Variants in SNX29 observed in about 807,000 individuals in gnomAD.
SNX29 encodes sorting nexin-29.
In SNX29, 78 loss-of-function variants were observed where a neutral mutation model predicts 102.1. The observed-to-expected ratio is 0.76, with a 90% CI of 0.64 to 0.92. SNX29 has a LOEUF of 0.92. SNX29 is among the 40% of genes least tolerant of loss of function. The probability of loss-of-function intolerance (pLI) is 0.00; values close to 1 mark genes in which losing one functional copy is unlikely to be tolerated. For synonymous variants in SNX29, 580 were observed against 414.5 expected, an observed-to-expected ratio of 1.40 and a Z score of -4.85; for missense variants, 1,280 against 1,061.7, an observed-to-expected ratio of 1.21 and a Z score of -2.86.
intron 11 of SNX29, chr16:12,087,727 G>T (rs57767842): frequency 2.7e-5 from 11 of 407,378 alleles, no homozygotes; most frequent in African/African-American, 2.0e-4. Context: ...CCATTGTACA[G>T]ATGAGAAAGT....
chr16:12,128,209 C>G (rs924436029), intron 12 of SNX29, among the ~76,000 whole-genome samples: 1 of 152,226 alleles, frequency 6.6e-6, no homozygotes, highest in African/African-American at 2.4e-5. Flanking sequence ...TTTGTCCATG[C>G]TCCAGCTGGG....
rs1194157181 is a variant in SNX29, at chr16:12,022,364, C to G, written c.123-4956C>G. On this transcript the variant is annotated intron_variant, in intron 3 of 20. Coordinates refer to ENST00000566228, the MANE Select transcript of SNX29 (RefSeq NM_032167.5). ...TACAGGAGCCTGCCACCACACCCAG[C>G]TAATTTTTGTATTTTTAGTAGAAAT... Among the ~76,000 whole-genome samples the G allele has an allele frequency of 2.6e-5, 4 of 151,962 alleles. No individual in the cohort carries two copies. In the East Asian group the frequency reaches 7.7e-4, roughly 29 times the overall value.
At chr16:12,083,931 C>T (rs979487626) in intron 11 of SNX29, among the ~76,000 whole-genome samples, 3 of 152,140 alleles carry the variant, frequency 2.0e-5, no homozygotes, top group Admixed American at 2.0e-4. Context: ...TCAGTGCCTG[C>T]GGATAATTGT....
intron 19 of SNX29, among the ~76,000 whole-genome samples, chr16:12,513,615 G>A (rs1348513078): frequency 6.6e-6 from 1 of 152,180 alleles, no homozygotes. Context: ...CAGCCACGCC[G>A]TTGCCCCGCT....
At chr16:12,520,997 G>A (rs1476194010) in intron 19 of SNX29, among the ~76,000 whole-genome samples, 1 of 152,074 alleles carries the variant, frequency 6.6e-6, no homozygotes, top group Non-Finnish European at 1.5e-5. Flanking sequence ...TCAGGAGTTC[G>A]AGAACAGTCG....
At chr16:12,286,152 T>A (rs1051394325) in intron 15 of SNX29, among the ~76,000 whole-genome samples, 1 of 151,238 alleles carries the variant, frequency 6.6e-6, no homozygotes, top group Non-Finnish European at 1.5e-5. Flanking sequence ...CTGTTTGTTT[T>A]TTTTTTTAAT....
rs536937699 is a variant in SNX29, at chr16:12,572,057, A to G, written c.*3428A>G. Reference sequence around the variant, plus strand: ...ATCCAGTGGAGTTGTAAACAAGGGAACCATCTTGCAAGATCTAGGAAGAGG... The same window carrying G: ...ATCCAGTGGAGTTGTAAACAAGGGAGCCATCTTGCAAGATCTAGGAAGAGG... On this transcript the variant is annotated 3_prime_UTR_variant, in exon 21 of 21. Coordinates refer to ENST00000566228, the MANE Select transcript of SNX29 (RefSeq NM_032167.5). 27 of 1,062,880 alleles carry G rather than the reference A, an allele frequency of 2.5e-5. No homozygotes were observed. The South Asian group carries it at 1.0e-3, about 39-fold the overall frequency. The allele number at this position is 1,062,880 out of a possible 1,614,324, so 65.8% of individuals were successfully genotyped here.
intron 15 of SNX29, among the ~76,000 whole-genome samples, chr16:12,317,424 A>G (rs2080786002): frequency 6.6e-6 from 1 of 152,130 alleles, no homozygotes; most frequent in Non-Finnish European, 1.5e-5. Context: ...TTAATGACTC[A>G]TTGAGAGATG....
At chr16:12,135,954 C>G (rs1022811592) in intron 13 of SNX29, among the ~76,000 whole-genome samples, 2 of 152,168 alleles carry the variant, frequency 1.3e-5, no homozygotes, top group Non-Finnish European at 2.9e-5. Context: ...GCCCCTTGGA[C>G]TGCTTCTCAG....
intron 11 of SNX29, among the ~76,000 whole-genome samples, chr16:12,120,071 A>G (rs951620957): frequency 2.0e-5 from 3 of 152,188 alleles, no homozygotes; most frequent in Non-Finnish European, 4.4e-5. Flanking sequence ...GGAGAGAGAA[A>G]CAGAACGAAA....
At chr16:12,124,763 C>G (rs994604133) in intron 11 of SNX29, among the ~76,000 whole-genome samples, 1 of 152,144 alleles carries the variant, frequency 6.6e-6, no homozygotes, top group African/African-American at 2.4e-5. Context: ...AGATCAGTTT[C>G]CATTGGTTGA....
intron 16 of SNX29, among the ~76,000 whole-genome samples, chr16:12,361,292 C>G (rs1312016048): frequency 6.6e-6 from 1 of 152,188 alleles, no homozygotes; most frequent in Non-Finnish European, 1.5e-5. Context: ...CAGTCAGGAA[C>G]CAGGCAGTGG....
intron 15 of SNX29, among the ~76,000 whole-genome samples, chr16:12,318,867 A>G (rs769234017): frequency 6.6e-5 from 10 of 152,170 alleles, no homozygotes; most frequent in Non-Finnish European, 1.2e-4. Context: ...CTTCTAGTCT[A>G]TGACTAAGGT....
Position 12,568,804 on chromosome 16 carries a change from C to T in SNX29, c.*175C>T, listed in dbSNP as rs573556872. 4.1e-5 allele frequency: 42 copies of T among 1,032,272 alleles called. No individual in the cohort carries two copies. In the African/African-American group the frequency reaches 6.3e-4, roughly 15 times the overall value. 63.9% of individuals were successfully genotyped at this position (1,032,272 alleles called of 1,614,324 possible). A position where few individuals can be genotyped will look rare whatever the true frequency, so the allele number is the denominator to read the frequency against. On this transcript the variant is annotated 3_prime_UTR_variant, in exon 21 of 21. Coordinates refer to ENST00000566228, the MANE Select transcript of SNX29 (RefSeq NM_032167.5). Reference sequence around the variant, plus strand: ...ATTAAACTAATCAGTCTTCGAGCCGCATGATACCGTGACCCGAGAGACCAA... The same window carrying T: ...ATTAAACTAATCAGTCTTCGAGCCGTATGATACCGTGACCCGAGAGACCAA...
intron 17 of SNX29, 56 bp from the exon 18 acceptor site, chr16:12,403,391 TA>T (rs1567528209): frequency 1.3e-6 from 2 of 1,505,074 alleles, no homozygotes; most frequent in African/African-American, 2.8e-5. Context: ...TTTTATTTTT[TA>T]TTTTTTTGTA....
At chr16:12,061,444 G>T in intron 8 of SNX29, 84 bp from the exon 9 acceptor site, 1 of 1,157,588 alleles carries the variant, frequency 8.6e-7, no homozygotes, top group Non-Finnish European at 1.2e-6. Context: ...TTAGTTCTCA[G>T]GAGGGTGCTG....
intron 14 of SNX29, among the ~76,000 whole-genome samples, chr16:12,274,582 G>T (rs116932225): frequency 6.6e-6 from 1 of 151,114 alleles, no homozygotes; most frequent in East Asian, 1.9e-4. Context: ...TGTGGCCCAG[G>T]ACGGAGTGCA....
Position 12,572,198 on chromosome 16 carries a change from A to AT in SNX29, c.*3571dup. 1 of 964,870 alleles carries AT rather than the reference A, an allele frequency of 1.0e-6. No homozygotes were observed. Among genetic ancestry groups the AT allele is most frequent in the Non-Finnish European group, 1.3e-6 (1 of 788,790 alleles). The allele number at this position is 964,870 out of a possible 1,614,324, so 59.8% of individuals were successfully genotyped here. On this transcript the variant is annotated 3_prime_UTR_variant, in exon 21 of 21. Coordinates refer to ENST00000566228, the MANE Select transcript of SNX29 (RefSeq NM_032167.5). ...ATTTCTTAGAACCATGGCAGGTAGT[A>AT]TTGTGCTTTAAAAACCAGAGGCTCC...
At chr16:11,994,781 G>C (rs1369328296) in intron 1 of SNX29, among the ~76,000 whole-genome samples, 3 of 152,170 alleles carry the variant, frequency 2.0e-5, no homozygotes, top group Non-Finnish European at 2.9e-5. Context: ...CTCTCCACTG[G>C]ATTCAAAGGG....
Sources: gnomAD v4.1 joint callset for allele counts (sites outside exome capture counted in the v4.1 genomes callset) on GRCh38, gnomAD v4.1.1 for gene constraint, MANE v1.5 for transcripts, NCBI Gene and HGNC (gene_info 2026-07-23, HGNC 2026-07-21) for gene names.